TENM3: variants seen among roughly 807,000 people sequenced by gnomAD.
TENM3 encodes teneurin transmembrane protein 3, also known as teneurin-3.
A neutral mutation model predicts 255.1 loss-of-function variants in TENM3; 63 were observed. The ratio of observed to expected loss-of-function variants is 0.25; its 90% confidence interval spans 0.20 to 0.30. The LOEUF (loss-of-function observed/expected upper bound fraction) is 0.30, where lower values mean the gene tolerates loss of function less well. Among genes scored for constraint, TENM3 ranks in the 10% least tolerant of loss-of-function variants. The pLI is 1.00. For missense variants in TENM3, 2,929 were observed against 3,461.1 expected (o/e 0.85, Z 3.86); for synonymous variants, 1,306 against 1,322.3 (o/e 0.99, Z 0.27).
At chr4:181,606,353 ACCT>A in the TENM3 span, among the ~76,000 whole-genome samples, 2 of 151,116 alleles carry the variant, frequency 1.3e-5, no homozygotes, top group South Asian at 2.1e-4. Flanking sequence ...AGCCACACTG[ACCT>A]CCTCTTGTTC....
At chr4:182,689,938 C>T (rs548837082) in intron 12 of TENM3, among the ~76,000 whole-genome samples, 1 of 152,216 alleles carries the variant, frequency 6.6e-6, no homozygotes, top group South Asian at 2.1e-4. Context: ...CCAGTGTGGC[C>T]CAGAGAAGCC....
the TENM3 span, among the ~76,000 whole-genome samples, chr4:181,787,721 T>C: frequency 3.9e-5 from 6 of 152,124 alleles, no homozygotes; most frequent in Admixed American, 2.0e-4. Context: ...AATTAAAGAC[T>C]CTCTGAATCC....
chr4:181,641,504 G>A, the TENM3 span, among the ~76,000 whole-genome samples: 3 of 126,614 alleles, frequency 2.4e-5, no homozygotes, highest in African/African-American at 9.2e-5. Flanking sequence ...CCCTGCAAAG[G>A]AAATGAACTC....
chr4:182,655,116 T>A (rs1454763750), intron 6 of TENM3, among the ~76,000 whole-genome samples: 1 of 152,172 alleles, frequency 6.6e-6, no homozygotes, highest in Non-Finnish European at 1.5e-5. Flanking sequence ...ATTACATAAA[T>A]TTCAATTACC....
chr4:181,852,459 T>C, the TENM3 span, among the ~76,000 whole-genome samples: 1 of 152,192 alleles, frequency 6.6e-6, no homozygotes, highest in African/African-American at 2.4e-5. Flanking sequence ...TTTAAAACTT[T>C]TTCATGGGGT....
At chr4:181,571,947 T>C in the TENM3 span, among the ~76,000 whole-genome samples, 1 of 152,288 alleles carries the variant, frequency 6.6e-6, no homozygotes, top group East Asian at 1.9e-4. Flanking sequence ...ATGTATATAT[T>C]TCACCAATAT....
chr4:181,749,960 C>A, the TENM3 span, among the ~76,000 whole-genome samples: 1 of 152,146 alleles, frequency 6.6e-6, no homozygotes, highest in Non-Finnish European at 1.5e-5. Flanking sequence ...GGATTCATCT[C>A]TGTGTCTTCA....
At chr4:181,906,021 A>T in the TENM3 span, 20 of 456,260 alleles carry the variant, frequency 4.4e-5, no homozygotes, top group Non-Finnish European at 1.3e-5. Flanking sequence ...ATCTCGTAAC[A>T]GTGACAAGCA....
the TENM3 span, among the ~76,000 whole-genome samples, chr4:181,826,770 A>T: frequency 6.6e-6 from 1 of 152,214 alleles, no homozygotes; most frequent in African/African-American, 2.4e-5. Flanking sequence ...TTTAATTGGT[A>T]TGGGGTGAGA....
At chr4:182,149,975 T>A (rs1750226746) in intron 1 of TENM3, among the ~76,000 whole-genome samples, 1 of 152,206 alleles carries the variant, frequency 6.6e-6, no homozygotes. Context: ...TATAAAATTG[T>A]ATCATTTATA....
the TENM3 span, among the ~76,000 whole-genome samples, chr4:181,476,221 T>C: frequency 6.9e-6 from 1 of 145,058 alleles, no homozygotes; most frequent in South Asian, 2.3e-4. Flanking sequence ...TTTTTTTTTT[T>C]TTTGACATTG....
At chr4:181,514,742 A>G in the TENM3 span, among the ~76,000 whole-genome samples, 1 of 152,214 alleles carries the variant, frequency 6.6e-6, no homozygotes, top group Non-Finnish European at 1.5e-5. Flanking sequence ...GGCTAAATGT[A>G]CACTTCAGAG....
At position 182,800,264 on chromosome 4, in the gene TENM3, C is replaced by G. The variant is rs749761005; in HGVS notation, c.8013C>G (p.Tyr2671Ter). 2 of 1,594,068 alleles carry G rather than the reference C, an allele frequency of 1.3e-6. No individual in the cohort carries two copies. Among genetic ancestry groups the G allele is most frequent in the Non-Finnish European group, 1.7e-6 (2 of 1,178,426 alleles). ...AGKVQGYDGY[Y>*]VLSVEQYPEL... The stretch of plus-strand genomic sequence containing the variant: ...AGGTGCAGGGCTACGACGGGTACTA[C>G]GTACTCTCGGTGGAGCAGTACCCCG... The change falls in exon 28 of 28, where the codon TAC becomes TAG. Residue 2671 changes from tyrosine (Y) to a stop codon, truncating the protein, a stop_gained. Transcript: ENST00000511685. LOFTEE classifies it high-confidence loss of function.
At chr4:182,524,312 C>CATTCAG (rs1020153032) in intron 3 of TENM3, among the ~76,000 whole-genome samples, 14 of 143,720 alleles carry the variant, frequency 9.7e-5, no homozygotes, top group Admixed American at 1.4e-4. Context: ...TCTTTTAATT[C>CATTCAG]ATTCAGAATG....
At chr4:182,755,837 G>A (rs188563455) in intron 22 of TENM3, among the ~76,000 whole-genome samples, 8 of 151,442 alleles carry the variant, frequency 5.3e-5, no homozygotes, top group East Asian at 3.9e-4. Flanking sequence ...GCGAGACTCC[G>A]CCTCAAAAAA....
chr4:182,745,729 C>T (rs1338317831), intron 19 of TENM3, among the ~76,000 whole-genome samples: 1 of 151,818 alleles, frequency 6.6e-6, no homozygotes, highest in Non-Finnish European at 1.5e-5. Flanking sequence ...GGCCAAGATT[C>T]TAGGGGCTCA....
the TENM3 span, among the ~76,000 whole-genome samples, chr4:181,898,997 A>G: frequency 2.0e-5 from 3 of 152,272 alleles, no homozygotes; most frequent in African/African-American, 7.2e-5. Context: ...AATTTGTAAA[A>G]CAAAAGCAAC....
the TENM3 span, among the ~76,000 whole-genome samples, chr4:181,449,122 C>G: frequency 6.6e-6 from 1 of 152,146 alleles, no homozygotes; most frequent in Admixed American, 6.5e-5. Flanking sequence ...GAATTTTACA[C>G]CATATTTTTA....
chr4:181,448,321 A>G, the TENM3 span, among the ~76,000 whole-genome samples: 275 of 130,094 alleles, frequency 2.1e-3, 13 homozygotes, highest in East Asian at 5.9e-3. Context: ...ACAGGCGCCC[A>G]CCACTACGCC....
Sources: allele counts gnomAD v4.1 joint callset (sites outside exome capture counted in the v4.1 genomes callset), GRCh38; gene constraint gnomAD v4.1.1; transcripts MANE v1.5; gene names NCBI Gene and HGNC (gene_info 2026-07-23, HGNC 2026-07-21).